Variants in DHRSX observed in about 807,000 individuals in gnomAD.
DHRSX encodes dehydrogenase/reductase X-linked.
A neutral mutation model predicts 34.0 loss-of-function variants in DHRSX; 31 were observed. The ratio of observed to expected loss-of-function variants is 0.91; its 90% confidence interval spans 0.69 to 1.23. The LOEUF (loss-of-function observed/expected upper bound fraction) is 1.23, where lower values mean the gene tolerates loss of function less well. Ranked by LOEUF, DHRSX falls within the 50% of genes most tolerant of loss-of-function variation. The probability of loss-of-function intolerance (pLI) is 0.00; values close to 1 mark genes in which losing one functional copy is unlikely to be tolerated. For missense variants in DHRSX, 414 were observed against 428.1 expected (o/e 0.97, Z 0.29); for synonymous variants, 201 against 183.8 (o/e 1.09, Z -0.76).
At chrX:2,406,015 C>T (rs2043550390) in intron 3 of DHRSX, among the ~76,000 whole-genome samples, 1 of 151,914 alleles carries the variant, frequency 6.6e-6, no homozygotes, top group Non-Finnish European at 1.5e-5. Context: ...GGTAGTCGGC[C>T]GGGTGCAGTG....
intron 1 of DHRSX, chrX:2,489,002 C>G (rs202225919): frequency 6.2e-7 from 1 of 1,609,348 alleles, no homozygotes; most frequent in East Asian, 2.2e-5. Flanking sequence ...CTTGAAGTTG[C>G]TCAGCTCCTC....
In DHRSX at chrX:2,408,751, C is replaced by T. The variant is rs777421893; in HGVS notation, c.280G>A (p.Asp94Asn). The change falls in exon 3 of 7, where the codon GAC (aspartate) becomes AAC (asparagine). Residue 94 changes from aspartate to asparagine, a missense_variant. Coordinates refer to ENST00000334651, the MANE Select transcript of DHRSX (RefSeq NM_145177.3). The part of the protein sequence containing the change: ...VSKIKEETLN[D>N]KVEFLYCDLA... ...TTGGAGTATCTCTCGGTACCTTTGT[C>T]GTTCAAGGTTTCTTCTTTTATTTTG... The T allele has an allele frequency of 8.7e-6, 14 of 1,609,816 alleles. No individual in the cohort carries two copies. Among genetic ancestry groups the T allele is most frequent in the African/African-American group, 8.1e-5 (6 of 74,388 alleles).
At chrX:2,298,550 A>T (rs1465263763) in intron 3 of DHRSX, among the ~76,000 whole-genome samples, 2 of 148,794 alleles carry the variant, frequency 1.3e-5, no homozygotes. Flanking sequence ...TGAAGCACAC[A>T]GCCCATCCTC....
chrX:2,334,474 G>A (rs1023188179), intron 3 of DHRSX: 7 of 152,056 alleles, frequency 4.6e-5, no homozygotes, highest in African/African-American at 1.7e-4. Flanking sequence ...TTCTTTAAGA[G>A]ATAAGGTCTT....
At chrX:2,330,375 G>T (rs994513280) in intron 3 of DHRSX, among the ~76,000 whole-genome samples, 9 of 151,720 alleles carry the variant, frequency 5.9e-5, no homozygotes, top group Admixed American at 2.0e-4. Flanking sequence ...ACAAAAATTA[G>T]CTGGGCAGGG....
chrX:2,359,668 A>T (rs1383774236), intron 3 of DHRSX, among the ~76,000 whole-genome samples: 7 of 151,994 alleles, frequency 4.6e-5, no homozygotes, highest in Non-Finnish European at 8.8e-5. Context: ...TGACACAGCG[A>T]GACTCCATAT....
intron 1 of DHRSX, among the ~76,000 whole-genome samples, chrX:2,474,164 C>G (rs1363586605): frequency 5.3e-5 from 8 of 151,082 alleles, no homozygotes; most frequent in African/African-American, 2.0e-4. Flanking sequence ...AAGAATGTGG[C>G]CAAGGGATCG....
intron 3 of DHRSX, among the ~76,000 whole-genome samples, chrX:2,314,393 A>G (rs1349869654): frequency 1.5e-5 from 1 of 66,624 alleles, no homozygotes; most frequent in Non-Finnish European, 2.7e-5. Flanking sequence ...GGAGGGAAGG[A>G]AGGAAGGGAA....
intron 3 of DHRSX, among the ~76,000 whole-genome samples, chrX:2,351,296 G>C (rs1287786532): frequency 6.6e-6 from 1 of 152,176 alleles, no homozygotes; most frequent in Non-Finnish European, 1.5e-5. Flanking sequence ...CGGCTACATC[G>C]TAACATTCAA....
chrX:2,284,460 A>G (rs1012754429), intron 4 of DHRSX, among the ~76,000 whole-genome samples: 2 of 146,254 alleles, frequency 1.4e-5, no homozygotes, highest in African/African-American at 4.8e-5. Flanking sequence ...GTACCAAAAA[A>G]CAGAGTCTTT....
intron 3 of DHRSX, among the ~76,000 whole-genome samples, chrX:2,307,713 C>A (rs1419449999): frequency 6.7e-6 from 1 of 148,944 alleles, no homozygotes; most frequent in Non-Finnish European, 1.5e-5. Context: ...TGCAGTGAGC[C>A]GAGATTGTGC....
intron 1 of DHRSX, among the ~76,000 whole-genome samples, chrX:2,485,766 A>C: frequency 2.2e-5 from 1 of 46,496 alleles, no homozygotes; most frequent in African/African-American, 1.0e-4. Context: ...AAGGGAGAGA[A>C]GGAAGGAAGG....
At chrX:2,253,394 G>A (rs866836351) in intron 5 of DHRSX, among the ~76,000 whole-genome samples, 89 of 115,550 alleles carry the variant, frequency 7.7e-4, no homozygotes, top group African/African-American at 2.0e-3. Context: ...ATGGCGCCAC[G>A]GCACTCCAGC....
At chrX:2,407,532 C>G (rs1481687857) in intron 3 of DHRSX, among the ~76,000 whole-genome samples, 14 of 152,162 alleles carry the variant, frequency 9.2e-5, no homozygotes, top group Non-Finnish European at 1.9e-4. Context: ...TTATCTAGAT[C>G]AGTTTCTTTA....
intron 4 of DHRSX, among the ~76,000 whole-genome samples, chrX:2,290,273 C>A (rs768974725): frequency 6.6e-6 from 1 of 152,130 alleles, no homozygotes; most frequent in South Asian, 2.1e-4. Flanking sequence ...TACAAAAACA[C>A]GAAACACATC....
At chrX:2,236,099 G>A (rs1477536539) in intron 6 of DHRSX, among the ~76,000 whole-genome samples, 1 of 151,674 alleles carries the variant, frequency 6.6e-6, no homozygotes, top group Non-Finnish European at 1.5e-5. Flanking sequence ...GTGACAGGGT[G>A]AGACTCCGTC....
intron 1 of DHRSX, among the ~76,000 whole-genome samples, chrX:2,476,778 C>T (rs1190105534): frequency 2.0e-5 from 3 of 152,054 alleles, no homozygotes; most frequent in Admixed American, 6.6e-5. Context: ...CCAAAGCAGG[C>T]GGATTACCTG....
intron 5 of DHRSX, among the ~76,000 whole-genome samples, chrX:2,259,908 C>T: frequency 6.6e-6 from 1 of 152,088 alleles, no homozygotes; most frequent in Non-Finnish European, 1.5e-5. Context: ...TAACTAATTA[C>T]ACCGGCAAAG....
chrX:2,359,874 TG>T (rs1466275235), intron 3 of DHRSX, among the ~76,000 whole-genome samples: 5 of 151,902 alleles, frequency 3.3e-5, no homozygotes, highest in Non-Finnish European at 7.4e-5. Context: ...AGCTAAATGA[TG>T]AGAACATATG....
Sources: gnomAD v4.1 joint callset for allele counts (sites outside exome capture counted in the v4.1 genomes callset) on GRCh38, gnomAD v4.1.1 for gene constraint, MANE v1.5 for transcripts, NCBI Gene and HGNC (gene_info 2026-07-23, HGNC 2026-07-21) for gene names.